LUZP2: variants seen among roughly 807,000 people sequenced by gnomAD.
LUZP2 encodes leucine zipper protein 2.
A neutral mutation model predicts 51.6 loss-of-function variants in LUZP2; 52 were observed. That is an observed-to-expected ratio of 1.01 (90% CI 0.81 to 1.27). The LOEUF (loss-of-function observed/expected upper bound fraction) is 1.27. Among genes scored for constraint, LUZP2 ranks in the 50% most tolerant of loss-of-function variants. The probability of loss-of-function intolerance (pLI) is 0.00; values close to 1 mark genes in which losing one functional copy is unlikely to be tolerated. For missense variants in LUZP2, 436 were observed against 395.4 expected, an observed-to-expected ratio of 1.10 and a Z score of -0.87; for synonymous variants, 154 against 137.3, an observed-to-expected ratio of 1.12 and a Z score of -0.85.
intron 1 of LUZP2, among the ~76,000 whole-genome samples, chr11:24,693,867 A>T (rs547846359): frequency 6.6e-6 from 1 of 152,188 alleles, no homozygotes; most frequent in South Asian, 2.1e-4. Flanking sequence ...GTACAAAATC[A>T]TGCCTACCCT....
intron 7 of LUZP2, among the ~76,000 whole-genome samples, chr11:24,915,949 C>G (rs527916768): frequency 1.3e-5 from 2 of 152,000 alleles, no homozygotes; most frequent in East Asian, 3.9e-4. Context: ...CATACTTTCC[C>G]CTTAGGATAT....
intron 7 of LUZP2, among the ~76,000 whole-genome samples, chr11:24,938,891 A>G (rs534542693): frequency 5.3e-5 from 8 of 152,224 alleles, no homozygotes; most frequent in African/African-American, 1.9e-4. Context: ...CGTGTAGGAA[A>G]GCACCTGTAT....
intron 7 of LUZP2, among the ~76,000 whole-genome samples, chr11:24,930,415 G>T (rs1277158529): frequency 6.6e-6 from 1 of 152,042 alleles, no homozygotes; most frequent in East Asian, 1.9e-4. Context: ...TTCTCATAGC[G>T]CTGGCTTAGC....
chr11:25,063,236 G>C (rs1858900624), intron 10 of LUZP2, among the ~76,000 whole-genome samples: 1 of 151,694 alleles, frequency 6.6e-6, no homozygotes, highest in African/African-American at 2.4e-5. Flanking sequence ...AAGTATATGG[G>C]AGAGCATGTG....
intron 1 of LUZP2, among the ~76,000 whole-genome samples, chr11:24,633,754 G>A (rs886718383): frequency 9.2e-5 from 14 of 151,700 alleles, no homozygotes; most frequent in African/African-American, 7.3e-5. Flanking sequence ...TATCTCAAGA[G>A]GTGGCTGCTT....
At chr11:24,837,441 TTAAC>T (rs779531453) in intron 5 of LUZP2, among the ~76,000 whole-genome samples, 4 of 151,734 alleles carry the variant, frequency 2.6e-5, no homozygotes, top group Non-Finnish European at 5.9e-5. Flanking sequence ...GCTGCGATCT[TTAAC>T]TAAAAAGATT....
chr11:24,712,610 G>A (rs1212161842), intron 1 of LUZP2, among the ~76,000 whole-genome samples: 1 of 152,084 alleles, frequency 6.6e-6, no homozygotes, highest in Non-Finnish European at 1.5e-5. Context: ...GATATGGAGG[G>A]TGATCAAATA....
chr11:24,614,879 T>C (rs774785160), intron 1 of LUZP2, among the ~76,000 whole-genome samples: 7 of 151,958 alleles, frequency 4.6e-5, no homozygotes, highest in Admixed American at 3.9e-4. Context: ...CTCATAGACT[T>C]TATCTGCCTC....
intron 1 of LUZP2, among the ~76,000 whole-genome samples, chr11:24,602,116 A>ATG (rs1554961891): frequency 1.7e-4 from 12 of 72,716 alleles, no homozygotes; most frequent in African/African-American, 5.3e-4. Context: ...ATGTGTATAT[A>ATG]TGTATATATG....
At chr11:24,922,837 C>CTTTT (rs749672583) in intron 7 of LUZP2, among the ~76,000 whole-genome samples, 22 of 47,368 alleles carry the variant, frequency 4.6e-4, no homozygotes, top group South Asian at 2.6e-3. Flanking sequence ...TTTTTTTTTT[C>CTTTT]TTTTTTTTTT....
At chr11:24,957,131 T>C (rs972760944) in intron 7 of LUZP2, among the ~76,000 whole-genome samples, 1 of 152,134 alleles carries the variant, frequency 6.6e-6, no homozygotes, top group Non-Finnish European at 1.5e-5. Context: ...TTTTAAACTG[T>C]TGGAGTGAAA....
At chr11:24,565,106 A>G (rs941688886) in intron 1 of LUZP2, among the ~76,000 whole-genome samples, 1 of 152,104 alleles carries the variant, frequency 6.6e-6, no homozygotes, top group African/African-American at 2.4e-5. Context: ...TTTAAATGAC[A>G]AGGAATTCCA....
chr11:24,890,395 A>G (rs1305418250), intron 5 of LUZP2, among the ~76,000 whole-genome samples: 3 of 152,234 alleles, frequency 2.0e-5, no homozygotes, highest in Non-Finnish European at 2.9e-5. Flanking sequence ...TCTAGAATAT[A>G]GATGTTTTCA....
intron 9 of LUZP2, among the ~76,000 whole-genome samples, chr11:25,014,700 T>C (rs1337079291): frequency 6.6e-6 from 1 of 152,186 alleles, no homozygotes; most frequent in Non-Finnish European, 1.5e-5. Context: ...TTCTGTAGGT[T>C]ACCTGTTCAC....
At chr11:24,944,371 A>C (rs1440679466) in intron 7 of LUZP2, among the ~76,000 whole-genome samples, 1 of 152,214 alleles carries the variant, frequency 6.6e-6, no homozygotes, top group African/African-American at 2.4e-5. Context: ...CTCCCAAACA[A>C]TACATTATAA....
chr11:24,532,056 A>G (rs2896705), intron 1 of LUZP2, among the ~76,000 whole-genome samples: 33,611 of 150,746 alleles, frequency 0.22, 3,954 homozygotes, highest in Middle Eastern at 0.34. Context: ...TCAGGGCAGG[A>G]AAGAAAATAA....
intron 9 of LUZP2, among the ~76,000 whole-genome samples, chr11:25,044,226 T>A (rs1474903222): frequency 4.8e-5 from 3 of 62,388 alleles, no homozygotes; most frequent in Admixed American, 1.9e-4. Context: ...TATATGTGTG[T>A]GTATGTGTAT....
intron 10 of LUZP2, among the ~76,000 whole-genome samples, chr11:25,068,322 T>C (rs1307703055): frequency 6.6e-6 from 1 of 151,924 alleles, no homozygotes; most frequent in African/African-American, 2.4e-5. Context: ...GGTTAAAAAA[T>C]AAAATAAAAA....
At chr11:24,959,571 A>G (rs1247543023) in intron 7 of LUZP2, among the ~76,000 whole-genome samples, 12 of 152,186 alleles carry the variant, frequency 7.9e-5, no homozygotes, top group African/African-American at 2.4e-4. Flanking sequence ...TTGGTGTATA[A>G]GAATGCTTGT....
Sources: allele counts gnomAD v4.1 joint callset (sites outside exome capture counted in the v4.1 genomes callset), GRCh38; gene constraint gnomAD v4.1.1; transcripts MANE v1.5; gene names NCBI Gene and HGNC (gene_info 2026-07-23, HGNC 2026-07-21).